The following PI4KB variants were observed in gnomAD, a reference collection of about 807,000 sequenced individuals.
PI4KB encodes the protein phosphatidylinositol 4-kinase beta.
In PI4KB, 23 loss-of-function variants were observed where a neutral mutation model predicts 81.4. The ratio of observed to expected loss-of-function variants is 0.28; its 90% CI spans 0.20 to 0.40. The LOEUF (loss-of-function observed/expected upper bound fraction) is 0.40, where lower values mean the gene tolerates loss of function less well. Ranked by LOEUF, PI4KB falls within the 10% of genes least tolerant of loss-of-function variation. The probability of loss-of-function intolerance (pLI) is 1.00; values close to 1 mark genes in which losing one functional copy is unlikely to be tolerated. For synonymous variants in PI4KB, 381 were observed against 406.8 expected, an observed-to-expected ratio of 0.94 and a Z score of 0.76; for missense variants, 651 against 1,036.6, an observed-to-expected ratio of 0.63 and a Z score of 5.11.
rs200424946 is a variant in PI4KB, at chr1:151,315,619, T to C, written c.863A>G (p.Asn288Ser). The C allele has an allele frequency of 7.2e-5, 117 of 1,614,008 alleles. No individual in the cohort carries two copies. Among genetic ancestry groups the C allele is most frequent in the African/African-American group, 8.0e-5 (6 of 74,922 alleles). The change falls in exon 2 of 12, where the codon AAC (asparagine) becomes AGC (serine). Residue 288 changes from asparagine (N) to serine (S), a missense_variant. Asn to Ser is a conservative substitution (Grantham distance 46). Transcript: ENST00000368873. The stretch of plus-strand genomic sequence containing the variant: ...AGGGTTGCTGGCTGTTCGTTTCAGG[T>C]TGCTGCTGAGACTTATGCTGGCAGT... ...DATASISLSS[N>S]LKRTASNPKV... is the part of the protein sequence containing the mutation.
rs778599401 is a variant in PI4KB, at chr1:151,293,008, G to A, written c.2295C>T (p.Gly765=). Residue 765 remains glycine, a synonymous_variant, in exon 12 of 12, where the codon GGC becomes GGT. Coordinates refer to ENST00000368873, the MANE Select transcript of PI4KB (RefSeq NM_001369623.2). The part of the protein sequence containing the change: ...QQGSQLPCFH[G]SSTIRNLKER... ...CTTTGAGGTTTCGAATGGTGCTGGA[G>A]CCATGGAAGCAAGGAAGCTGAGAAC... 3 of 1,614,122 alleles carry A rather than the reference G, an allele frequency of 1.9e-6. No homozygotes were observed. Among genetic ancestry groups the A allele is most frequent in the African/African-American group, 2.7e-5 (2 of 75,048 alleles).
chr1:151,321,667 A>G (rs2102015979), intron 1 of PI4KB, among the ~76,000 whole-genome samples: 1 of 151,980 alleles, frequency 6.6e-6, no homozygotes, highest in South Asian at 2.1e-4. Context: ...AGGTCAGGAG[A>G]TGGAGACCAT....
At chr1:151,302,107 G>T in intron 7 of PI4KB, 87 bp downstream of exon 7, 1 of 1,545,634 alleles carries the variant, frequency 6.5e-7, no homozygotes, top group Non-Finnish European at 8.9e-7. Flanking sequence ...TTTTTTTGGA[G>T]GCTGATGGAC....
intron 2 of PI4KB, among the ~76,000 whole-genome samples, chr1:151,313,293 A>C (rs1196123885): frequency 1.3e-5 from 2 of 152,146 alleles, no homozygotes; most frequent in African/African-American, 2.4e-5. Context: ...CTAGTGACCC[A>C]AGATAAGGAG....
rs942483077 is a variant in PI4KB, at chr1:151,327,347, C to T, written c.-105G>A. Reference sequence around the variant, plus strand: ...ACACTGCCGCCTCAGCAGCAGCGACCGCTCCCGGGTTCCATTGGCCGCCTG... The same window carrying T: ...ACACTGCCGCCTCAGCAGCAGCGACTGCTCCCGGGTTCCATTGGCCGCCTG... On this transcript the variant is annotated 5_prime_UTR_variant, in exon 1 of 12. Coordinates refer to ENST00000368873, the MANE Select transcript of PI4KB (RefSeq NM_001369623.2). 5.0e-6 allele frequency: 2 copies of T among 397,716 alleles called. No individual in the cohort carries two copies. The highest frequency in any genetic ancestry group is 4.1e-5 in the African/African-American group (2 of 48,560). 24.6% of individuals were successfully genotyped at this position (397,716 alleles called of 1,614,324 possible).
At chr1:151,311,240 T>C (rs1383273944) in intron 2 of PI4KB, among the ~76,000 whole-genome samples, 1 of 151,454 alleles carries the variant, frequency 6.6e-6, no homozygotes, top group Non-Finnish European at 1.5e-5. Flanking sequence ...GCAGCACGTG[T>C]GCACAAATCT....
chr1:151,293,278 A>G (rs1006422859), intron 11 of PI4KB: 1 of 1,397,054 alleles, frequency 7.2e-7, no homozygotes, highest in Non-Finnish European at 9.4e-7. Flanking sequence ...CCAACACCAC[A>G]TCTCCCTCAG....
chr1:151,304,839 TTTTTC>T (rs1416516831), intron 5 of PI4KB, among the ~76,000 whole-genome samples: 1 of 151,796 alleles, frequency 6.6e-6, no homozygotes, highest in Non-Finnish European at 1.5e-5. Flanking sequence ...CTTTTTTTTT[TTTTTC>T]TTTTGAGACG....
intron 11 of PI4KB, chr1:151,293,621 G>A (rs1045328412): frequency 3.2e-5 from 10 of 314,592 alleles, no homozygotes; most frequent in Non-Finnish European, 5.7e-5. Flanking sequence ...GATGAGAGGG[G>A]AAATACTTCT....
At chr1:151,313,984 T>C (rs1647518810) in intron 2 of PI4KB, among the ~76,000 whole-genome samples, 2 of 152,396 alleles carry the variant, frequency 1.3e-5, no homozygotes, top group Non-Finnish European at 1.5e-5. Context: ...TACCTGTCTC[T>C]CAGCATGGTT....
intron 8 of PI4KB, among the ~76,000 whole-genome samples, 154 bp downstream of exon 8, chr1:151,301,690 C>A (rs1330239331): frequency 1.3e-5 from 2 of 152,002 alleles, no homozygotes; most frequent in East Asian, 1.9e-4. Flanking sequence ...AACCACCACA[C>A]CCGGCCATAA....
In PI4KB at chr1:151,292,889, T is replaced by TA; in HGVS notation, c.2413dup (p.Tyr805LeufsTer2). On this transcript the variant is annotated frameshift_variant, in exon 12 of 12. Transcript: ENST00000368873. LOFTEE classifies it high-confidence loss of function. The stretch of plus-strand genomic sequence containing the variant: ...GTTGGTGAGGTACTGGAAGCCGTCA[T>TA]AGAGTTTGGTGGTGATAGACCGCAT... 1 of 1,614,054 alleles carries TA rather than the reference T, an allele frequency of 6.2e-7. No individual in the cohort carries two copies. The highest frequency in any genetic ancestry group is 8.5e-7 in the Non-Finnish European group (1 of 1,180,000).
chr1:151,314,952 T>C (rs1387511917), intron 2 of PI4KB, among the ~76,000 whole-genome samples: 1 of 152,122 alleles, frequency 6.6e-6, no homozygotes, highest in Non-Finnish European at 1.5e-5. Context: ...ATTAACATAG[T>C]AGATGTTAAT....
chr1:151,323,988 G>C (rs1649252049), intron 1 of PI4KB, among the ~76,000 whole-genome samples: 1 of 150,878 alleles, frequency 6.6e-6, no homozygotes, highest in African/African-American at 2.4e-5. Flanking sequence ...GTCTCGCTCT[G>C]TTACCCAGGC....
At position 151,307,579 on chromosome 1, in the gene PI4KB, C is replaced by G; in HGVS notation, c.1177G>C (p.Asp393His). 1 of 1,611,280 alleles carries G rather than the reference C, an allele frequency of 6.2e-7. No individual in the cohort carries two copies. Among genetic ancestry groups the G allele is most frequent in the Non-Finnish European group, 8.5e-7 (1 of 1,177,478 alleles). Residue 393 changes from aspartate to histidine, a missense_variant, in exon 4 of 12, where the codon GAC (aspartate) becomes CAC (histidine). Physicochemically the swap from Asp to His is moderately conservative, Grantham distance 81 (BLOSUM62 -1). This residue lies in a region of PI4KB where 246 missense variants were observed against 430.1 expected (regional missense o/e 0.57). Transcript: ENST00000368873. ...HTQAVVLNSK[D>H]KAPYLIYVEV... is the part of the protein sequence containing the mutation. Reference sequence around the variant, plus strand: ...TTGGGCCAGAACCCATCTACCTTGTCCTTGGAGTTGAGGACAACAGCCTGT... The same window carrying G: ...TTGGGCCAGAACCCATCTACCTTGTGCTTGGAGTTGAGGACAACAGCCTGT...
intron 1 of PI4KB, among the ~76,000 whole-genome samples, chr1:151,321,094 G>A (rs1648782168): frequency 6.6e-6 from 1 of 152,300 alleles, no homozygotes; most frequent in South Asian, 2.1e-4. Flanking sequence ...GCTCAGCTAA[G>A]AATCACATCA....
At chr1:151,294,941 T>C (rs1694664823) in intron 9 of PI4KB, among the ~76,000 whole-genome samples, 1 of 152,178 alleles carries the variant, frequency 6.6e-6, no homozygotes, top group Non-Finnish European at 1.5e-5. Flanking sequence ...GGAGGCTCTA[T>C]TCTGAGCCTG....
At chr1:151,326,236 C>G in intron 1 of PI4KB, 3 of 1,560,980 alleles carry the variant, frequency 1.9e-6, no homozygotes, top group Non-Finnish European at 2.6e-6. Flanking sequence ...AGTAGTCAAC[C>G]AAGTGTAATC....
chr1:151,294,208 C>G lies in PI4KB; in HGVS notation c.2149-70G>C, dbSNP rs587593926. The G allele has an allele frequency of 3.2e-6, 5 of 1,551,684 alleles. No individual in the cohort carries two copies. In the South Asian group the frequency reaches 6.2e-5, roughly 19 times the overall value. On this transcript the variant is annotated intron_variant, in intron 10 of 11. Coordinates refer to ENST00000368873, the MANE Select transcript of PI4KB (RefSeq NM_001369623.2). ...GGGGATGGTCCCTGTCCTGACTGGC[C>G]TACCAGAACTCCTCCTCCTCTTGGG...
Sources: allele counts gnomAD v4.1 joint callset (sites outside exome capture counted in the v4.1 genomes callset), GRCh38; gene constraint gnomAD v4.1.1; regional missense constraint gnomAD v4.1.1; transcripts MANE v1.5; gene names NCBI Gene and HGNC (gene_info 2026-07-23, HGNC 2026-07-21).